Variants in MYO16 observed in about 807,000 individuals in gnomAD.
MYO16 encodes the protein myosin XVI.
A neutral mutation model predicts 205.3 loss-of-function variants in MYO16; 94 were observed. That is an observed-to-expected ratio of 0.46 (90% CI 0.39 to 0.54). MYO16 has a LOEUF of 0.54. Ranked by LOEUF, MYO16 falls within the 20% of genes least tolerant of loss-of-function variation. The pLI is 0.00. For synonymous variants in MYO16, 988 were observed against 954.0 expected (o/e 1.04, Z -0.66); for missense variants, 2,315 against 2,387.5 (o/e 0.97, Z 0.63).
chr13:109,188,458 ACCTT>A (rs1235761642), intron 34 of MYO16, among the ~76,000 whole-genome samples: 4 of 152,134 alleles, frequency 2.6e-5, no homozygotes, highest in Non-Finnish European at 5.9e-5. Flanking sequence ...CAATCTGACA[ACCTT>A]TCATGAGACC....
chr13:108,519,555 A>G, the MYO16 span, among the ~76,000 whole-genome samples: 1 of 152,072 alleles, frequency 6.6e-6, no homozygotes, highest in African/African-American at 2.4e-5. Flanking sequence ...GATATCATAC[A>G]TAAATTTGAA....
At chr13:108,622,451 G>A (rs1287906860) in intron 1 of MYO16, among the ~76,000 whole-genome samples, 3 of 152,048 alleles carry the variant, frequency 2.0e-5, no homozygotes, top group South Asian at 4.1e-4. Flanking sequence ...AAGTAAGGAG[G>A]GACAACCCAC....
At chr13:108,602,240 C>T (rs535491528) in intron 1 of MYO16, among the ~76,000 whole-genome samples, 45 of 152,174 alleles carry the variant, frequency 3.0e-4, no homozygotes, top group African/African-American at 1.1e-3. Context: ...TGGCCTCAGG[C>T]ATTCTCTTTT....
intron 27 of MYO16, among the ~76,000 whole-genome samples, chr13:109,070,220 T>C (rs1247328788): frequency 1.3e-5 from 2 of 152,330 alleles, no homozygotes; most frequent in East Asian, 3.9e-4. Context: ...CCTATCTTTA[T>C]ACTGCTCCAT....
intron 28 of MYO16, among the ~76,000 whole-genome samples, chr13:109,105,965 G>T (rs1426080830): frequency 6.6e-6 from 1 of 152,156 alleles, no homozygotes; most frequent in Non-Finnish European, 1.5e-5. Context: ...CTTTCACGTT[G>T]GTGGCTTCTT....
At position 109,140,515 on chromosome 13, in the gene MYO16, A is replaced by G; in HGVS notation, c.4303A>G (p.Ile1435Val). The G allele has an allele frequency of 1.3e-6, 2 of 1,552,626 alleles. No homozygotes were observed. The highest frequency in any genetic ancestry group is 1.9e-5 in the Admixed American group (1 of 54,030). ...CGAGGACGACAGCGAGCCTGTGTAC[A>G]TCGAGATGCTGGGGCACGCGGCCAG... is the stretch of plus-strand genomic sequence containing the variant. ...GDEDDSEPVY[I>V]EMLGHAARPD... The change falls in exon 32 of 35, where the codon ATC becomes GTC. Residue 1435 changes from isoleucine (I) to valine (V), a missense_variant. Physicochemically the swap from Ile to Val is conservative, Grantham distance 29. Coordinates refer to ENST00000457511, the MANE Select transcript of MYO16 (RefSeq NM_001198950.3). The surrounding 1 kb of genome is among the most constrained non-coding windows in gnomAD (Gnocchi z 8.0).
intron 22 of MYO16, among the ~76,000 whole-genome samples, chr13:109,015,745 G>A (rs957143913): frequency 1.3e-5 from 2 of 152,166 alleles, no homozygotes; most frequent in Admixed American, 6.5e-5. Flanking sequence ...TAGTTTATTT[G>A]CACAGAGTTG....
intron 32 of MYO16, among the ~76,000 whole-genome samples, chr13:109,150,800 G>T (rs186348971): frequency 6.2e-4 from 94 of 152,272 alleles, no homozygotes; most frequent in Admixed American, 1.1e-3. Context: ...ATTGTATATT[G>T]TGTCTCTACA....
intron 4 of MYO16, among the ~76,000 whole-genome samples, chr13:108,753,248 T>C (rs1885301519): frequency 6.6e-6 from 1 of 151,316 alleles, no homozygotes; most frequent in Admixed American, 6.6e-5. Flanking sequence ...CGGGCGCCTG[T>C]AATCCCAGCG....
upstream of MYO16, among the ~76,000 whole-genome samples, chr13:108,592,174 G>T (rs1368252475): frequency 9.7e-6 from 1 of 103,212 alleles, no homozygotes; most frequent in Non-Finnish European, 2.0e-5. Flanking sequence ...GTATGGAGGG[G>T]TGTGTGGGGT....
chr13:108,690,728 G>A (rs1333744512), intron 2 of MYO16, among the ~76,000 whole-genome samples: 1 of 152,054 alleles, frequency 6.6e-6, no homozygotes, highest in Non-Finnish European at 1.5e-5. Flanking sequence ...CCACTTGTGT[G>A]TCAATGACAA....
At chr13:108,696,215 C>T (rs1883084537) in intron 2 of MYO16, among the ~76,000 whole-genome samples, 1 of 152,058 alleles carries the variant, frequency 6.6e-6, no homozygotes, top group Admixed American at 6.5e-5. Context: ...GCCTATGTTC[C>T]AGCAATTCCA....
chr13:108,615,270 C>A (rs1879309703), intron 1 of MYO16, among the ~76,000 whole-genome samples: 1 of 151,996 alleles, frequency 6.6e-6, no homozygotes, highest in Non-Finnish European at 1.5e-5. Flanking sequence ...ATACCCATAA[C>A]TGGCTAAAAT....
the MYO16 span, among the ~76,000 whole-genome samples, chr13:108,558,496 G>T: frequency 6.6e-6 from 1 of 152,224 alleles, no homozygotes; most frequent in Non-Finnish European, 1.5e-5. Context: ...TGCAACTGTG[G>T]CGATGAGCAT....
chr13:108,732,672 C>A (rs1238362667), intron 4 of MYO16, among the ~76,000 whole-genome samples: 1 of 152,102 alleles, frequency 6.6e-6, no homozygotes, highest in African/African-American at 2.4e-5. Flanking sequence ...ATTAGGGAAG[C>A]CCTGGGAAGA....
intron 2 of MYO16, among the ~76,000 whole-genome samples, chr13:108,684,153 C>T (rs561450133): frequency 9.8e-5 from 15 of 152,312 alleles, no homozygotes; most frequent in African/African-American, 3.1e-4. Flanking sequence ...GGATTACAGG[C>T]GTGAGCCACC....
intron 4 of MYO16, among the ~76,000 whole-genome samples, chr13:108,754,570 A>T (rs1252365912): frequency 6.6e-6 from 1 of 152,190 alleles, no homozygotes; most frequent in Non-Finnish European, 1.5e-5. Context: ...AAAGAAATAG[A>T]TTTAAAAATG....
At chr13:108,703,130 A>G (rs1883372050) in intron 2 of MYO16, among the ~76,000 whole-genome samples, 2 of 59,902 alleles carry the variant, frequency 3.3e-5, no homozygotes. Context: ...AAAGGCAGAG[A>G]TTAGCAGAAT....
intron 1 of MYO16, among the ~76,000 whole-genome samples, chr13:108,612,399 G>A (rs932439682): frequency 2.0e-5 from 3 of 152,158 alleles, no homozygotes; most frequent in African/African-American, 7.2e-5. Context: ...TTCTACAGGA[G>A]ACAGGATGCT....
Sources: allele counts gnomAD v4.1 joint callset (sites outside exome capture counted in the v4.1 genomes callset), GRCh38; gene constraint gnomAD v4.1.1; non-coding constraint Gnocchi (gnomAD v3.1); transcripts MANE v1.5; gene names NCBI Gene and HGNC (gene_info 2026-07-23, HGNC 2026-07-21).